NRG1: variants seen among roughly 807,000 people sequenced by gnomAD.
NRG1 encodes the protein pro-neuregulin-1, membrane-bound isoform.
A neutral mutation model predicts 63.8 loss-of-function variants in NRG1; 18 were observed. The ratio of observed to expected loss-of-function variants is 0.28; its 90% CI spans 0.19 to 0.42. The LOEUF (loss-of-function observed/expected upper bound fraction) is 0.42. NRG1 is among the 10% of genes least tolerant of loss of function. The pLI, the probability that NRG1 is intolerant of heterozygous loss-of-function variation, is 1.00. For missense variants in NRG1, 762 were observed against 814.7 expected (o/e 0.94, Z 0.79); for synonymous variants, 302 against 301.3 (o/e 1.00, Z -0.02).
intron 1 of NRG1, among the ~76,000 whole-genome samples, chr8:32,492,437 T>A (rs1168619207): frequency 6.6e-6 from 1 of 151,616 alleles, no homozygotes; most frequent in African/African-American, 2.4e-5. Flanking sequence ...TTTTTTTTTC[T>A]GTAGAAAGCA....
At chr8:32,202,446 G>T (rs1843590125) in intron 1 of NRG1, among the ~76,000 whole-genome samples, 1 of 152,128 alleles carries the variant, frequency 6.6e-6, no homozygotes. Context: ...GTGTCTAGGG[G>T]TGTTACAATG....
chr8:32,337,652 G>GAAAAAAAAAAAAAAAAAA (rs1803447672), intron 1 of NRG1, among the ~76,000 whole-genome samples: 1 of 5,942 alleles, frequency 1.7e-4, no homozygotes, highest in Non-Finnish European at 3.0e-4. Context: ...AAGAGTTATT[G>GAAAAAAAAAAAAAAAAAA]CAAAAAAAAA....
chr8:31,894,976 G>T lies in NRG1; in HGVS notation c.37+255545G>T, dbSNP rs1039514850. Among the ~76,000 whole-genome samples the T allele has an allele frequency of 2.2e-4, 34 of 152,120 alleles. 2 individuals are homozygous for T. Among genetic ancestry groups the T allele is most frequent in the Admixed American group, 6.5e-5 (1 of 15,272 alleles). ...TGAGGACTTACATATAACACCAGAA[G>T]GATTTATACATTTATTTAGTTAATG... On this transcript the variant is annotated intron_variant, in intron 1 of 10. Transcript: ENST00000519301.
At chr8:32,098,296 GAC>G (rs1465661121) in intron 1 of NRG1, among the ~76,000 whole-genome samples, 1 of 152,194 alleles carries the variant, frequency 6.6e-6, no homozygotes, top group African/African-American at 2.4e-5. Context: ...CAAAGTAAAA[GAC>G]ACACACTCTG....
At chr8:32,698,940 G>A (rs1206792051) in intron 5 of NRG1, among the ~76,000 whole-genome samples, 3 of 152,182 alleles carry the variant, frequency 2.0e-5, no homozygotes, top group African/African-American at 4.8e-5. Context: ...CTAAGGGAAT[G>A]TATTCCTTAT....
intron 1 of NRG1, among the ~76,000 whole-genome samples, chr8:32,085,231 A>T (rs1289656744): frequency 6.6e-6 from 1 of 152,242 alleles, no homozygotes; most frequent in East Asian, 1.9e-4. Context: ...CTTGTATAAG[A>T]ACAGGTCTGC....
chr8:31,798,204 G>C (rs1413521259), intron 1 of NRG1, among the ~76,000 whole-genome samples: 1 of 152,128 alleles, frequency 6.6e-6, no homozygotes, highest in East Asian at 1.9e-4. Context: ...ATCTGGGGGA[G>C]AAGGTTTTCA....
At chr8:32,645,396 G>T (rs578086418) in intron 5 of NRG1, among the ~76,000 whole-genome samples, 169 of 152,308 alleles carry the variant, frequency 1.1e-3, no homozygotes, top group Non-Finnish European at 1.9e-3. Context: ...CATAGTCATG[G>T]TTACATTTAT....
chr8:31,983,225 C>T (rs1809466855), intron 1 of NRG1, among the ~76,000 whole-genome samples: 1 of 152,046 alleles, frequency 6.6e-6, no homozygotes, highest in South Asian at 2.1e-4. Flanking sequence ...AGACACTCAT[C>T]CAATTTCTCA....
intron 1 of NRG1, among the ~76,000 whole-genome samples, chr8:31,977,986 A>G (rs1230170687): frequency 2.0e-5 from 3 of 152,098 alleles, no homozygotes; most frequent in African/African-American, 7.2e-5. Context: ...CAGTGCCTCA[A>G]AGGAAACTCA....
chr8:31,821,583 A>G (rs562807192), intron 1 of NRG1, among the ~76,000 whole-genome samples: 1 of 152,252 alleles, frequency 6.6e-6, no homozygotes, highest in South Asian at 2.1e-4. Context: ...TGGACCCTTA[A>G]GTTCTTTTTG....
chr8:31,976,906 A>T (rs1406862610), intron 1 of NRG1, among the ~76,000 whole-genome samples: 1 of 152,184 alleles, frequency 6.6e-6, no homozygotes, highest in African/African-American at 2.4e-5. Flanking sequence ...ACTATATAAG[A>T]TTCATATCTC....
At chr8:32,623,989 A>G (rs1294497753) in intron 5 of NRG1, among the ~76,000 whole-genome samples, 1 of 152,200 alleles carries the variant, frequency 6.6e-6, no homozygotes, top group Non-Finnish European at 1.5e-5. Context: ...AGATATAGAT[A>G]TAGATATAGA....
At chr8:32,440,679 A>G (rs1352682044) in intron 1 of NRG1, 2 of 152,116 alleles carry the variant, frequency 1.3e-5, no homozygotes, top group African/African-American at 4.8e-5. Flanking sequence ...ACACATCATC[A>G]TAGTTGTTTC....
chr8:32,526,859 A>T (rs76800807), intron 1 of NRG1, among the ~76,000 whole-genome samples: 5,257 of 151,482 alleles, frequency 0.035, 325 homozygotes, highest in African/African-American at 0.12. Flanking sequence ...GTTCATTCTC[A>T]TTTTTCTTCC....
At chr8:32,458,422 TG>T (rs1291854803) in intron 1 of NRG1, among the ~76,000 whole-genome samples, 1 of 152,236 alleles carries the variant, frequency 6.6e-6, no homozygotes, top group Non-Finnish European at 1.5e-5. Context: ...TCTCAAAGCA[TG>T]GATCAAAGAG....
intron 1 of NRG1, among the ~76,000 whole-genome samples, chr8:32,071,288 G>T (rs534158453): frequency 2.0e-5 from 3 of 152,340 alleles, no homozygotes; most frequent in African/African-American, 2.4e-5. Flanking sequence ...ATATTTTTAT[G>T]ATAGATAATT....
At position 32,742,349 on chromosome 8, in the gene NRG1, G is replaced by A. The variant is rs577710196; in HGVS notation, c.633-326G>A. On this transcript the variant is annotated intron_variant, in intron 6 of 11. Transcript: ENST00000356819. This position sits in a 1 kb window ranked among gnomAD's most constrained non-coding sequence, Gnocchi z 4.2. Reference sequence around the variant, plus strand: ...ACCGAGAAACATTTTCTTCCAACGTGTGTGACCAAAGCCATCATATGGAAA... The same window carrying A: ...ACCGAGAAACATTTTCTTCCAACGTATGTGACCAAAGCCATCATATGGAAA... 2.0e-5 allele frequency among the ~76,000 whole-genome samples: 3 copies of A among 152,192 alleles called. No individual in the cohort carries two copies. The highest frequency in any genetic ancestry group is 4.2e-4 in the South Asian group (2 of 4,810).
At chr8:32,080,764 C>CGTGCGTGT (rs1431731603) in intron 1 of NRG1, among the ~76,000 whole-genome samples, 1 of 148,728 alleles carries the variant, frequency 6.7e-6, no homozygotes, top group Non-Finnish European at 1.5e-5. Flanking sequence ...TGTGTGTGTG[C>CGTGCGTGT]GTGTGTGTGT....
Sources: gnomAD v4.1 joint callset for allele counts (sites outside exome capture counted in the v4.1 genomes callset) on GRCh38, gnomAD v4.1.1 for gene constraint, Gnocchi (gnomAD v3.1) non-coding constraint, MANE v1.5 for transcripts, NCBI Gene and HGNC (gene_info 2026-07-23, HGNC 2026-07-21) for gene names.